The following GALNT18 variants were observed in gnomAD, a reference collection of about 807,000 sequenced individuals.
GALNT18 encodes GalNAc-transferase 18.
In GALNT18, 44 loss-of-function variants were observed where a neutral mutation model predicts 69.5. The observed-to-expected ratio is 0.63, with a 90% CI of 0.50 to 0.81. The LOEUF is 0.81. Among genes scored for constraint, GALNT18 ranks in the 40% least tolerant of loss-of-function variants. The pLI is 0.00. For missense variants in GALNT18, 715 were observed against 810.0 expected (o/e 0.88, Z 1.42); for synonymous variants, 364 against 318.2 (o/e 1.14, Z -1.53).
chr11:11,599,272 TCTGTGGTTAAGGTGC>T (rs775131348), intron 1 of GALNT18, among the ~76,000 whole-genome samples: 22 of 152,156 alleles, frequency 1.4e-4, no homozygotes, highest in Non-Finnish European at 2.6e-4. Context: ...ATTTTAGTGG[TCTGTGGTTAAGGTGC>T]ATATGTGTTT....
Position 11,387,443 on chromosome 11 carries a change from C to T in GALNT18, c.596-8179G>A, listed in dbSNP as rs1165417496. The stretch of plus-strand genomic sequence containing the variant: ...GCCCAGGAGGGGAGTGGGAACACCC[C>T]ACCCACACCCCCACTAATCCACCTC... On this transcript the variant is annotated intron_variant, in intron 3 of 10. Transcript: ENST00000227756. The surrounding 1 kb of genome is among the most constrained non-coding windows in gnomAD (Gnocchi z 4.6). Among the ~76,000 whole-genome samples, 2 of 152,190 alleles carry T rather than the reference C, an allele frequency of 1.3e-5. No individual in the cohort carries two copies. Among genetic ancestry groups the T allele is most frequent in the African/African-American group, 4.8e-5 (2 of 41,436 alleles).
chr11:11,429,481 G>A (rs542673270), intron 3 of GALNT18, among the ~76,000 whole-genome samples: 25 of 152,268 alleles, frequency 1.6e-4, no homozygotes, highest in Admixed American at 7.2e-4. Flanking sequence ...GGCTCCCGCC[G>A]TGCAGTTTGC....
rs577636724 is a variant in GALNT18, at chr11:11,356,416, A to G, written c.1093-15412T>C. 3.5e-4 allele frequency among the ~76,000 whole-genome samples: 54 copies of G among 152,364 alleles called. No homozygotes were observed. Among genetic ancestry groups the G allele is most frequent in the African/African-American group, 1.3e-3 (53 of 41,592 alleles). On this transcript the variant is annotated intron_variant, in intron 6 of 10. Coordinates refer to ENST00000227756, the MANE Select transcript of GALNT18 (RefSeq NM_198516.3). This position sits in a 1 kb window ranked among gnomAD's most constrained non-coding sequence, Gnocchi z 4.4. ...AAAGAAGAACAAAGAACAAAAATGG[A>G]AACAAAAGGGAGACAGAAAATGACT...
chr11:11,479,755 C>G (rs1169742094), intron 1 of GALNT18, among the ~76,000 whole-genome samples: 2 of 152,314 alleles, frequency 1.3e-5, no homozygotes, highest in East Asian at 3.9e-4. Context: ...CATCTGTAGC[C>G]TCTGGCCCCA....
chr11:11,463,646 G>A lies in GALNT18; in HGVS notation c.236-14710C>T, dbSNP rs1469391697. On this transcript the variant is annotated intron_variant, in intron 1 of 10. Coordinates refer to ENST00000227756, the MANE Select transcript of GALNT18 (RefSeq NM_198516.3). This position sits in a 1 kb window ranked among gnomAD's most constrained non-coding sequence, Gnocchi z 4.2. ...GCAGTCACAGCTGTATTTCATCAGG[G>A]AGAAGTGGATTTGTCCTTCGAAAAA... 6.6e-6 allele frequency among the ~76,000 whole-genome samples: 1 copy of A among 152,136 alleles called. No individual in the cohort carries two copies. The highest frequency in any genetic ancestry group is 1.9e-4 in the East Asian group (1 of 5,184).
chr11:11,437,559 C>T lies in GALNT18; in HGVS notation c.429-4772G>A, dbSNP rs564030665. On this transcript the variant is annotated intron_variant, in intron 2 of 10. Transcript: ENST00000227756. ...CAGTGCTGTACGATCATGTGAGAGG[C>T]GGGGAAGCAGTGGAGGAATAAGTGA... Among the ~76,000 whole-genome samples, 32 of 152,026 alleles carry T rather than the reference C, an allele frequency of 2.1e-4. No homozygotes were observed. The South Asian group carries it at 4.6e-3, about 22-fold the overall frequency.
At chr11:11,325,804 C>T (rs1196977960) in intron 9 of GALNT18, among the ~76,000 whole-genome samples, 1 of 152,102 alleles carries the variant, frequency 6.6e-6, no homozygotes, top group Non-Finnish European at 1.5e-5. Flanking sequence ...TGTGTGAGCA[C>T]AACCTGATTT....
intron 1 of GALNT18, among the ~76,000 whole-genome samples, chr11:11,488,213 C>T (rs1445471115): frequency 6.6e-6 from 1 of 152,164 alleles, no homozygotes; most frequent in Non-Finnish European, 1.5e-5. Context: ...CAATGGGTTT[C>T]ACTGGGCTAA....
In GALNT18 at chr11:11,617,146, G is replaced by C. The variant is rs1002497268; in HGVS notation, c.235+4213C>G. On this transcript the variant is annotated intron_variant, in intron 1 of 10. Coordinates refer to ENST00000227756, the MANE Select transcript of GALNT18 (RefSeq NM_198516.3). This position sits in a 1 kb window ranked among gnomAD's most constrained non-coding sequence, Gnocchi z 4.7. ...GATGCATCCCAAAGACAGAACTTTGGCCTGATATCAAAAGTCTAGCAAATG... is the reference window on the plus strand; with the variant it reads ...GATGCATCCCAAAGACAGAACTTTGCCCTGATATCAAAAGTCTAGCAAATG... 1.3e-5 allele frequency among the ~76,000 whole-genome samples: 2 copies of C among 152,194 alleles called. No homozygotes were observed. Among genetic ancestry groups the C allele is most frequent in the African/African-American group, 2.4e-5 (1 of 41,446 alleles).
At chr11:11,395,280 A>G (rs1854301191) in intron 3 of GALNT18, among the ~76,000 whole-genome samples, 1 of 152,220 alleles carries the variant, frequency 6.6e-6, no homozygotes, top group Admixed American at 6.5e-5. Flanking sequence ...TTGGTAATGA[A>G]GTGATCGTGT....
Position 11,288,138 on chromosome 11 carries a change from CT to C in GALNT18, c.1677+4890del, listed in dbSNP as rs558685839. Among the ~76,000 whole-genome samples, 13 of 152,184 alleles carry C rather than the reference CT, an allele frequency of 8.5e-5. No individual in the cohort carries two copies. The South Asian group carries it at 2.7e-3, about 32-fold the overall frequency. On this transcript the variant is annotated intron_variant, in intron 10 of 10. Coordinates refer to ENST00000227756, the MANE Select transcript of GALNT18 (RefSeq NM_198516.3). ...CCATGGAAATCTACTACTTAAGAACCTTCCCCATTCCTTCCTTCTGCTTTTA... is the reference window on the plus strand; with the variant it reads ...CCATGGAAATCTACTACTTAAGAACCTCCCCATTCCTTCCTTCTGCTTTTA...
At chr11:11,553,504 G>T (rs999839543) in intron 1 of GALNT18, among the ~76,000 whole-genome samples, 1 of 152,154 alleles carries the variant, frequency 6.6e-6, no homozygotes, top group African/African-American at 2.4e-5. Context: ...GCCTCTCCCA[G>T]AGTTCCACAG....
Position 11,309,191 on chromosome 11 carries a change from C to T in GALNT18, c.1513-15998G>A, listed in dbSNP as rs1392376960. 6.6e-6 allele frequency among the ~76,000 whole-genome samples: 1 copy of T among 152,188 alleles called. No individual in the cohort carries two copies. Among genetic ancestry groups the T allele is most frequent in the Non-Finnish European group, 1.5e-5 (1 of 68,042 alleles). ...TCTAGCCCTTCTTTCTACACTTCCA[C>T]CATGGGATGACACCACAAGAAGGCC... On this transcript the variant is annotated intron_variant, in intron 9 of 10. Coordinates refer to ENST00000227756, the MANE Select transcript of GALNT18 (RefSeq NM_198516.3). This position sits in a 1 kb window ranked among gnomAD's most constrained non-coding sequence, Gnocchi z 4.6.
At chr11:11,412,750 C>A (rs1481575238) in intron 3 of GALNT18, among the ~76,000 whole-genome samples, 1 of 152,216 alleles carries the variant, frequency 6.6e-6, no homozygotes, top group African/African-American at 2.4e-5. Context: ...TCCTTGGAGC[C>A]TCCTTTCTTC....
intron 10 of GALNT18, among the ~76,000 whole-genome samples, chr11:11,281,859 T>G (rs1202715125): frequency 6.6e-6 from 1 of 151,920 alleles, no homozygotes; most frequent in East Asian, 1.9e-4. Flanking sequence ...TGAGAATATC[T>G]GAGCCTGTCA....
At position 11,402,258 on chromosome 11, in the gene GALNT18, C is replaced by A. The variant is rs565429318; in HGVS notation, c.596-22994G>T. ...TAGAACAGAGATTGTCTTAAACGAT[C>A]CAGCCTGGTGGAATTAGATTTCTTT... On this transcript the variant is annotated intron_variant, in intron 3 of 10. Coordinates refer to ENST00000227756, the MANE Select transcript of GALNT18 (RefSeq NM_198516.3). This position sits in a 1 kb window ranked among gnomAD's most constrained non-coding sequence, Gnocchi z 4.0. Among the ~76,000 whole-genome samples the A allele has an allele frequency of 7.9e-5, 12 of 152,314 alleles. No individual in the cohort carries two copies. Among genetic ancestry groups the A allele is most frequent in the African/African-American group, 2.9e-4 (12 of 41,576 alleles).
At position 11,611,019 on chromosome 11, in the gene GALNT18, C is replaced by T. The variant is rs542332177; in HGVS notation, c.235+10340G>A. 6.2e-4 allele frequency among the ~76,000 whole-genome samples: 94 copies of T among 152,300 alleles called. 1 individual carries two copies. In the South Asian group the frequency reaches 6.2e-3, roughly 10 times the overall value. ...CCTTGGGATGCTAACCAAGGCACAG[C>T]TAAATAAATCTGTAATGGAAGATCA... On this transcript the variant is annotated intron_variant, in intron 1 of 10. Transcript: ENST00000227756.
In GALNT18 at chr11:11,613,438, C is replaced by CTTGAA. The variant is rs1336103657; in HGVS notation, c.235+7920_235+7921insTTCAA. On this transcript the variant is annotated intron_variant, in intron 1 of 10. Transcript: ENST00000227756. The surrounding 1 kb of genome is among the most constrained non-coding windows in gnomAD (Gnocchi z 4.2). ...AATTAAAGGGATTTCAAGGTTGTTA[C>CTTGAA]ATTCCCTTGCATACTAATATGCCTT... Among the ~76,000 whole-genome samples, 1 of 152,222 alleles carries CTTGAA rather than the reference C, an allele frequency of 6.6e-6. No individual in the cohort carries two copies. Among genetic ancestry groups the CTTGAA allele is most frequent in the Admixed American group, 6.5e-5 (1 of 15,290 alleles).
chr11:11,440,191 G>A (rs377157979), intron 2 of GALNT18, among the ~76,000 whole-genome samples: 4 of 152,240 alleles, frequency 2.6e-5, no homozygotes, highest in Non-Finnish European at 4.4e-5. Flanking sequence ...AAATGTAGAC[G>A]GAAAATAGGA....
Sources: allele counts gnomAD v4.1 joint callset (sites outside exome capture counted in the v4.1 genomes callset), GRCh38; gene constraint gnomAD v4.1.1; non-coding constraint Gnocchi (gnomAD v3.1); transcripts MANE v1.5; gene names NCBI Gene and HGNC (gene_info 2026-07-23, HGNC 2026-07-21).